The following NSL1 variants were observed in gnomAD, a reference collection of about 807,000 sequenced individuals.
NSL1 encodes kinetochore-associated protein NSL1 homolog.
NSL1 carries 11 observed loss-of-function variants against 25.4 expected under a neutral mutation model. The ratio of observed to expected loss-of-function variants is 0.43; its 90% CI spans 0.27 to 0.72. The LOEUF (loss-of-function observed/expected upper bound fraction) is 0.72, where lower values mean the gene tolerates loss of function less well. Ranked by LOEUF, NSL1 falls within the 30% of genes least tolerant of loss-of-function variation. The probability of loss-of-function intolerance (pLI) is 0.19; values close to 1 mark genes in which losing one functional copy is unlikely to be tolerated. For missense variants in NSL1, 330 were observed against 342.7 expected (o/e 0.96, Z 0.29); for synonymous variants, 118 against 120.6 (o/e 0.98, Z 0.14).
Position 212,730,385 on chromosome 1 carries a change from GA to G in NSL1, c.*8022del. 2 of 984,842 alleles carry G rather than the reference GA, an allele frequency of 2.0e-6. No individual in the cohort carries two copies. Among genetic ancestry groups the G allele is most frequent in the Non-Finnish European group, 2.4e-6 (2 of 829,834 alleles). The allele number at this position is 984,842 out of a possible 1,614,324, so 61.0% of individuals were successfully genotyped here. A position where few individuals can be genotyped will look rare whatever the true frequency, so the allele number is the denominator to read the frequency against. On this transcript the variant is annotated 3_prime_UTR_variant, in exon 6 of 6. Coordinates refer to ENST00000366977, the MANE Select transcript of NSL1 (RefSeq NM_015471.4). ...AAAGAACTCCAATGACATCATTGTA[GA>G]AGATGTGGGCCACAGAGCTACATGA...
At chr1:212,743,001 G>T (rs1262502373) in intron 4 of NSL1, among the ~76,000 whole-genome samples, 2 of 152,068 alleles carry the variant, frequency 1.3e-5, no homozygotes, top group Non-Finnish European at 2.9e-5. Flanking sequence ...TGCTGCTTTT[G>T]CAATAACTAA....
At chr1:212,759,701 G>A (rs757720439) in intron 4 of NSL1, among the ~76,000 whole-genome samples, 4 of 152,016 alleles carry the variant, frequency 2.6e-5, no homozygotes, top group Non-Finnish European at 4.4e-5. Flanking sequence ...CACATCCCTG[G>A]AGCCTTGCTG....
intron 4 of NSL1, among the ~76,000 whole-genome samples, chr1:212,764,825 G>T (rs1204065628): frequency 9.2e-6 from 1 of 109,042 alleles, no homozygotes; most frequent in African/African-American, 3.6e-5. Context: ...CAGCCTGGGT[G>T]ACACAGCAAG....
intron 4 of NSL1, among the ~76,000 whole-genome samples, chr1:212,751,136 T>C (rs982610081): frequency 1.3e-5 from 2 of 152,112 alleles, no homozygotes; most frequent in Non-Finnish European, 2.9e-5. Context: ...GAATGAAAGA[T>C]TAAAAGTGAA....
At chr1:212,751,741 C>T (rs1659075747) in intron 4 of NSL1, among the ~76,000 whole-genome samples, 2 of 151,758 alleles carry the variant, frequency 1.3e-5, no homozygotes, top group Admixed American at 1.3e-4. Flanking sequence ...AAGGAAAACA[C>T]AACTAAAAAT....
chr1:212,781,324 T>C (rs1448535784), intron 4 of NSL1, among the ~76,000 whole-genome samples: 2 of 152,172 alleles, frequency 1.3e-5, no homozygotes, highest in Admixed American at 6.5e-5. Flanking sequence ...TAAAAAGTAA[T>C]ACTTGAGTAT....
rs2102416907 is a variant in NSL1 at position 212,728,828 on chromosome 1, G to A, written c.*9580C>T. ...ACTCGAGGAGGGCCCTCAGCGCAGA[G>A]AAAATTAAGTCTAGTGTTTGCAGGA... On this transcript the variant is annotated 3_prime_UTR_variant, in exon 6 of 6. Coordinates refer to ENST00000366977, the MANE Select transcript of NSL1 (RefSeq NM_015471.4). 1 of 985,396 alleles carries A rather than the reference G, an allele frequency of 1.0e-6. No individual in the cohort carries two copies. The highest frequency in any genetic ancestry group is 1.7e-5 in the African/African-American group (1 of 57,346). 61.0% of individuals were successfully genotyped at this position (985,396 alleles called of 1,614,324 possible).
chr1:212,766,880 C>A (rs1045422421), intron 4 of NSL1, among the ~76,000 whole-genome samples: 8 of 152,104 alleles, frequency 5.3e-5, no homozygotes, highest in African/African-American at 1.9e-4. Context: ...ATATACTTAA[C>A]CAAGGAGGTG....
chr1:212,739,003 T>C (rs776568648), intron 5 of NSL1, among the ~76,000 whole-genome samples: 11 of 152,160 alleles, frequency 7.2e-5, no homozygotes, highest in African/African-American at 2.4e-4. Flanking sequence ...CCTCAGGTGA[T>C]CTGACTGCCT....
intron 5 of NSL1, among the ~76,000 whole-genome samples, 182 bp downstream of exon 5, chr1:212,739,351 AG>A (rs1486281027): frequency 3.3e-5 from 5 of 152,222 alleles, no homozygotes; most frequent in African/African-American, 1.2e-4. Context: ...GGCACATAGT[AG>A]GTACCTGATA....
At chr1:212,748,353 C>T (rs1052672110) in intron 4 of NSL1, among the ~76,000 whole-genome samples, 1 of 152,104 alleles carries the variant, frequency 6.6e-6, no homozygotes, top group African/African-American at 2.4e-5. Context: ...CATATGCCTA[C>T]ATGTGACCCA....
At chr1:212,779,849 C>A (rs1660627019) in intron 4 of NSL1, among the ~76,000 whole-genome samples, 1 of 147,658 alleles carries the variant, frequency 6.8e-6, no homozygotes, top group African/African-American at 2.5e-5. Flanking sequence ...CAGCCCCCCG[C>A]CCGACCAGCC....
intron 4 of NSL1, among the ~76,000 whole-genome samples, chr1:212,778,555 C>A (rs1010977493): frequency 2.0e-5 from 3 of 150,484 alleles, no homozygotes; most frequent in African/African-American, 7.3e-5. Flanking sequence ...CGCGCCGCCA[C>A]GCCTGACTGG....
rs929658648 is a variant in NSL1 at position 212,737,254 on chromosome 1, A to G, written c.*1154T>C. Reference sequence around the variant, plus strand: ...GTAACACTGAAACACAAAATGCAACAAAGTGGCTTTATAAGTTTTCTTCAC... The same window carrying G: ...GTAACACTGAAACACAAAATGCAACGAAGTGGCTTTATAAGTTTTCTTCAC... On this transcript the variant is annotated 3_prime_UTR_variant, in exon 6 of 6. Transcript: ENST00000366977. 3.0e-6 allele frequency: 3 copies of G among 985,232 alleles called. No individual in the cohort carries two copies. The African/African-American group carries it at 5.2e-5, about 17-fold the overall frequency. 61.0% of individuals were successfully genotyped at this position (985,232 alleles called of 1,614,324 possible).
intron 4 of NSL1, among the ~76,000 whole-genome samples, chr1:212,771,192 T>C (rs575424370): frequency 6.6e-6 from 1 of 152,230 alleles, no homozygotes; most frequent in African/African-American, 2.4e-5. Flanking sequence ...CGCATGCCTG[T>C]AATCCCAGCT....
At chr1:212,744,745 G>A (rs1430771640) in intron 4 of NSL1, among the ~76,000 whole-genome samples, 1 of 152,144 alleles carries the variant, frequency 6.6e-6, no homozygotes, top group African/African-American at 2.4e-5. Flanking sequence ...GAGACGGTGA[G>A]TGTTCAACAG....
At chr1:212,785,325 C>T (rs532692879) in intron 2 of NSL1, among the ~76,000 whole-genome samples, 5 of 152,032 alleles carry the variant, frequency 3.3e-5, no homozygotes, top group African/African-American at 9.6e-5. Context: ...AATCACCTAA[C>T]GAGTATGTTA....
chr1:212,748,913 A>G (rs1211713241), intron 4 of NSL1, among the ~76,000 whole-genome samples: 3 of 152,204 alleles, frequency 2.0e-5, no homozygotes, highest in Non-Finnish European at 4.4e-5. Context: ...TTAAAAATAC[A>G]ATAAACGCAC....
intron 4 of NSL1, among the ~76,000 whole-genome samples, chr1:212,745,395 A>C (rs999960069): frequency 1.3e-5 from 2 of 152,050 alleles, no homozygotes; most frequent in African/African-American, 4.8e-5. Context: ...AGAAAAACTC[A>C]AGGAAAGCCA....
Sources: allele counts gnomAD v4.1 joint callset (sites outside exome capture counted in the v4.1 genomes callset), GRCh38; gene constraint gnomAD v4.1.1; transcripts MANE v1.5; gene names NCBI Gene and HGNC (gene_info 2026-07-23, HGNC 2026-07-21).